TNIK: variants seen among roughly 807,000 people sequenced by gnomAD.
TNIK encodes the protein TRAF2 and NCK interacting kinase, also known as TRAF2 and NCK-interacting protein kinase.
In TNIK, 49 loss-of-function variants were observed where a neutral mutation model predicts 191.3. The observed-to-expected ratio is 0.26, with a 90% confidence interval of 0.20 to 0.32. The LOEUF (loss-of-function observed/expected upper bound fraction) is 0.32, where lower values mean the gene tolerates loss of function less well. TNIK is among the 10% of genes least tolerant of loss of function. TNIK has a pLI of 1.00. For missense variants in TNIK, 1,155 were observed against 1,702.3 expected, an observed-to-expected ratio of 0.68 and a Z score of 5.66; for synonymous variants, 594 against 600.9, an observed-to-expected ratio of 0.99 and a Z score of 0.17.
intron 19 of TNIK, 61 bp downstream of exon 19, chr3:171,110,653 T>C: frequency 6.7e-7 from 1 of 1,501,352 alleles, no homozygotes; most frequent in Non-Finnish European, 8.9e-7. Flanking sequence ...CTAACCTTTT[T>C]CCCTGTCCAC....
intron 7 of TNIK, among the ~76,000 whole-genome samples, chr3:171,179,613 G>A (rs906840421): frequency 5.3e-5 from 8 of 151,994 alleles, no homozygotes; most frequent in Non-Finnish European, 5.9e-5. Flanking sequence ...CACCATGCCC[G>A]GCTAATTTTT....
chr3:171,201,590 T>C (rs1411957311), intron 4 of TNIK, among the ~76,000 whole-genome samples: 1 of 152,136 alleles, frequency 6.6e-6, no homozygotes, highest in Non-Finnish European at 1.5e-5. Context: ...CCAAACTCAG[T>C]AACTTTGGTA....
intron 32 of TNIK, among the ~76,000 whole-genome samples, chr3:171,065,587 C>A (rs1425577711): frequency 6.6e-6 from 1 of 152,110 alleles, no homozygotes; most frequent in Non-Finnish European, 1.5e-5. Context: ...TGCAGAATAC[C>A]CCTCTGAGGT....
chr3:171,136,178 G>T (rs1010063093), intron 15 of TNIK, among the ~76,000 whole-genome samples: 1 of 152,178 alleles, frequency 6.6e-6, no homozygotes, highest in African/African-American at 2.4e-5. Context: ...GGATCTGTAG[G>T]TGTCCCTCTC....
chr3:171,085,010 C>A, intron 25 of TNIK, 108 bp downstream of exon 25: 1 of 768,016 alleles, frequency 1.3e-6, no homozygotes, highest in Non-Finnish European at 2.0e-6. Context: ...AAGATAGGAC[C>A]TAAGCAGTAA....
chr3:171,458,272 A>C (rs569462602), intron 1 of TNIK, among the ~76,000 whole-genome samples: 1 of 151,268 alleles, frequency 6.6e-6, no homozygotes, highest in Non-Finnish European at 1.5e-5. Context: ...GAACACACAC[A>C]GTCGGTAAAG....
At chr3:171,263,847 A>T (rs1371350116) in intron 2 of TNIK, among the ~76,000 whole-genome samples, 1 of 151,444 alleles carries the variant, frequency 6.6e-6, no homozygotes, top group African/African-American at 2.4e-5. Context: ...GACTTGGAGG[A>T]GGTTATGGAG....
intron 1 of TNIK, among the ~76,000 whole-genome samples, chr3:171,415,149 G>C (rs539190685): frequency 2.6e-5 from 4 of 152,244 alleles, no homozygotes; most frequent in Non-Finnish European, 5.9e-5. Context: ...TCAGTGCATG[G>C]CCTGCTCCCT....
intron 2 of TNIK, among the ~76,000 whole-genome samples, chr3:171,284,294 AAC>A (rs773927066): frequency 5.7e-4 from 87 of 152,356 alleles, no homozygotes; most frequent in South Asian, 1.4e-3. Flanking sequence ...GAATAGAAGA[AAC>A]ACACTCCGTT....
intron 16 of TNIK, among the ~76,000 whole-genome samples, chr3:171,126,700 G>A (rs1198445903): frequency 6.6e-6 from 1 of 152,202 alleles, no homozygotes; most frequent in East Asian, 1.9e-4. Flanking sequence ...AGCATGGACT[G>A]GACCAGGCAT....
At chr3:171,291,431 G>A (rs1460993556) in intron 2 of TNIK, among the ~76,000 whole-genome samples, 1 of 152,130 alleles carries the variant, frequency 6.6e-6, no homozygotes, top group East Asian at 1.9e-4. Flanking sequence ...TCTGCTGATA[G>A]TGAGTTTTCT....
Position 171,188,852 on chromosome 3 carries a change from TA to T in TNIK, c.509-21del, listed in dbSNP as rs1560236203. 6.2e-7 allele frequency: 1 copy of T among 1,611,514 alleles called. No individual in the cohort carries two copies. Among genetic ancestry groups the T allele is most frequent in the East Asian group, 2.2e-5 (1 of 44,818 alleles). On this transcript the variant is annotated intron_variant, in intron 6 of 32. Coordinates refer to ENST00000436636, the MANE Select transcript of TNIK (RefSeq NM_015028.4). The stretch of plus-strand genomic sequence containing the variant: ...AGTCCACTATTTAAGAAAAGACAAG[TA>T]AATAAAGTCTGTGATCATAGGTTTT...
At chr3:171,430,112 A>G (rs903827239) in intron 1 of TNIK, among the ~76,000 whole-genome samples, 1 of 152,162 alleles carries the variant, frequency 6.6e-6, no homozygotes, top group African/African-American at 2.4e-5. Flanking sequence ...AGTGACATGA[A>G]ATACCGCCTT....
chr3:171,123,526 T>C lies in TNIK; in HGVS notation c.2120+70A>G, dbSNP rs182699248. 4.6e-6 allele frequency: 6 copies of C among 1,303,416 alleles called. No individual in the cohort carries two copies. The Admixed American group carries it at 8.5e-5, about 18-fold the overall frequency. 80.7% of individuals were successfully genotyped at this position (1,303,416 alleles called of 1,614,324 possible). ...GAAGAGAAAAAAGAACACAGGCATT[T>C]CTAGGAAAGCAATAATGACAATGGT... On this transcript the variant is annotated intron_variant, in intron 18 of 32. Transcript: ENST00000436636.
At chr3:171,416,005 A>T (rs1342252105) in intron 1 of TNIK, among the ~76,000 whole-genome samples, 1 of 148,942 alleles carries the variant, frequency 6.7e-6, no homozygotes, top group Non-Finnish European at 1.5e-5. Flanking sequence ...AAAGAAAGAA[A>T]AAGAAAGAAA....
intron 2 of TNIK, among the ~76,000 whole-genome samples, chr3:171,361,355 C>G (rs1412635947): frequency 6.6e-6 from 1 of 152,234 alleles, no homozygotes; most frequent in Non-Finnish European, 1.5e-5. Flanking sequence ...GGTAGCAACT[C>G]TACAGGTTCA....
chr3:171,156,063 A>G (rs1733130698), intron 12 of TNIK, among the ~76,000 whole-genome samples: 1 of 152,230 alleles, frequency 6.6e-6, no homozygotes, highest in Admixed American at 6.5e-5. Flanking sequence ...TCCCTCCCTG[A>G]ACCTCAGTTT....
intron 2 of TNIK, among the ~76,000 whole-genome samples, chr3:171,354,582 A>T (rs571601319): frequency 6.6e-6 from 1 of 152,322 alleles, no homozygotes; most frequent in East Asian, 1.9e-4. Flanking sequence ...TGGGCCTCAT[A>T]ATCCCAATTA....
chr3:171,238,629 T>C (rs918357217), intron 2 of TNIK, among the ~76,000 whole-genome samples: 9 of 152,166 alleles, frequency 5.9e-5, no homozygotes, highest in Admixed American at 3.9e-4. Context: ...CAAGCAATAA[T>C]TGGGTCTAAA....
Sources: allele counts gnomAD v4.1 joint callset (sites outside exome capture counted in the v4.1 genomes callset), GRCh38; gene constraint gnomAD v4.1.1; transcripts MANE v1.5; gene names NCBI Gene and HGNC (gene_info 2026-07-23, HGNC 2026-07-21).